FRMD3: variants seen among roughly 807,000 people sequenced by gnomAD.
FRMD3 encodes FERM domain-containing protein 3.
Under a neutral mutation model 70.2 loss-of-function variants are expected in FRMD3, and 33 were observed. That is an observed-to-expected ratio of 0.47 (90% CI 0.36 to 0.63). FRMD3 has a LOEUF of 0.63. Among genes scored for constraint, FRMD3 ranks in the 20% least tolerant of loss-of-function variants. FRMD3 has a pLI of 0.00. For synonymous variants in FRMD3, 279 were observed against 255.9 expected (o/e 1.09, Z -0.86); for missense variants, 632 against 711.4 (o/e 0.89, Z 1.27).
At chr9:83,528,381 G>GT (rs924849788) in intron 1 of FRMD3, among the ~76,000 whole-genome samples, 1 of 152,046 alleles carries the variant, frequency 6.6e-6, no homozygotes, top group Non-Finnish European at 1.5e-5. Flanking sequence ...AACATGCAGT[G>GT]TTTTTTATTT....
In FRMD3 at chr9:83,508,893, C is replaced by T. The variant is rs1367644697; in HGVS notation, c.147+29192G>A. 2.0e-5 allele frequency among the ~76,000 whole-genome samples: 3 copies of T among 152,098 alleles called. No homozygotes were observed. The East Asian group carries it at 5.8e-4, about 29-fold the overall frequency. ...TGGCCAAGTCTAAAATGTGTACTATCTGGTCTGTTACAGAAAAAGCTTGCC... is the reference window on the plus strand; with the variant it reads ...TGGCCAAGTCTAAAATGTGTACTATTTGGTCTGTTACAGAAAAAGCTTGCC... On this transcript the variant is annotated intron_variant, in intron 1 of 13. Transcript: ENST00000304195.
At chr9:83,274,122 A>G (rs1005732694) in intron 13 of FRMD3, among the ~76,000 whole-genome samples, 1 of 152,090 alleles carries the variant, frequency 6.6e-6, no homozygotes, top group Non-Finnish European at 1.5e-5. Flanking sequence ...TGCCTGGCCC[A>G]TTTGTTCTTT....
At chr9:83,549,587 T>G in the FRMD3 span, among the ~76,000 whole-genome samples, 1 of 152,186 alleles carries the variant, frequency 6.6e-6, no homozygotes, top group Non-Finnish European at 1.5e-5. Context: ...GAGTTTCCTT[T>G]TCTTTGCAAC....
At chr9:83,446,393 A>T (rs542064251) in intron 1 of FRMD3, among the ~76,000 whole-genome samples, 77 of 151,762 alleles carry the variant, frequency 5.1e-4, no homozygotes, top group African/African-American at 1.8e-3. Context: ...CACGCATGTA[A>T]TCCCAGCACT....
intron 1 of FRMD3, among the ~76,000 whole-genome samples, chr9:83,461,188 C>T (rs891367285): frequency 9.9e-5 from 15 of 152,120 alleles, no homozygotes; most frequent in African/African-American, 3.6e-4. Context: ...ATCACAGGGT[C>T]CTTAGACGTG....
At chr9:83,368,312 A>T (rs1215984612) in intron 3 of FRMD3, among the ~76,000 whole-genome samples, 1 of 143,594 alleles carries the variant, frequency 7.0e-6, no homozygotes, top group East Asian at 1.9e-4. Flanking sequence ...ACCATATGTT[A>T]ATATATTTTT....
At position 83,376,631 on chromosome 9, in the gene FRMD3, A is replaced by G. The variant is rs1329564459; in HGVS notation, c.253-3676T>C. ...TATTCCTTTTTTTTTTTTTTTTGGC[A>G]GGGCTTTCTATGTTGCCCAGGCTTG... On this transcript the variant is annotated intron_variant, in intron 2 of 13. Transcript: ENST00000304195. Among the ~76,000 whole-genome samples the G allele has an allele frequency of 1.8e-4, 24 of 136,066 alleles. No individual in the cohort carries two copies. In the East Asian group the frequency reaches 5.0e-3, roughly 28 times the overall value. 89.3% of individuals were successfully genotyped at this position (136,066 alleles called of 152,430 possible). A position where few individuals can be genotyped will look rare whatever the true frequency, so the allele number is the denominator to read the frequency against.
chr9:83,568,315 T>C, the FRMD3 span, among the ~76,000 whole-genome samples: 1 of 152,110 alleles, frequency 6.6e-6, no homozygotes, highest in African/African-American at 2.4e-5. Context: ...CAAGTAGAGA[T>C]TTAGGTGGGG....
At chr9:83,403,591 A>G (rs1826015732) in intron 1 of FRMD3, among the ~76,000 whole-genome samples, 2 of 152,184 alleles carry the variant, frequency 1.3e-5, no homozygotes, top group Non-Finnish European at 2.9e-5. Flanking sequence ...CTTCCACTTC[A>G]TTGGTATACA....
chr9:83,392,744 T>C (rs1825701308), intron 1 of FRMD3, among the ~76,000 whole-genome samples: 1 of 152,202 alleles, frequency 6.6e-6, no homozygotes, highest in South Asian at 2.1e-4. Flanking sequence ...AGCATCCTGG[T>C]ATTGGCAGTT....
intron 1 of FRMD3, among the ~76,000 whole-genome samples, chr9:83,415,983 C>T (rs1826429804): frequency 6.6e-6 from 1 of 152,176 alleles, no homozygotes; most frequent in South Asian, 2.1e-4. Context: ...CCACAAACTC[C>T]CTTCAGAACC....
intron 1 of FRMD3, among the ~76,000 whole-genome samples, chr9:83,402,654 A>AAT (rs1330515474): frequency 6.1e-4 from 93 of 152,168 alleles, no homozygotes; most frequent in Non-Finnish European, 5.0e-4. Context: ...ATGCAGCCTT[A>AAT]ATATAACCAT....
intron 13 of FRMD3, among the ~76,000 whole-genome samples, chr9:83,273,063 CT>C (rs1833659824): frequency 6.9e-6 from 1 of 143,982 alleles, no homozygotes; most frequent in African/African-American, 2.7e-5. Flanking sequence ...GGGGGGGCGC[CT>C]CTGCCCGGCC....
chr9:83,252,119 CAG>C (rs2118560199), intron 13 of FRMD3, among the ~76,000 whole-genome samples: 1 of 152,196 alleles, frequency 6.6e-6, no homozygotes, highest in South Asian at 2.1e-4. Flanking sequence ...TAAGGGCAAC[CAG>C]AGAGAAAGGC....
chr9:83,322,648 A>AC (rs956703502), intron 6 of FRMD3, among the ~76,000 whole-genome samples: 24 of 152,164 alleles, frequency 1.6e-4, no homozygotes, highest in African/African-American at 5.8e-4. Flanking sequence ...AGGCAGTTCC[A>AC]CATGTCAGGC....
chr9:83,490,798 T>TCACA (rs60065758), intron 1 of FRMD3, among the ~76,000 whole-genome samples: 11,764 of 110,374 alleles, frequency 0.11, 865 homozygotes, highest in East Asian at 0.27. Context: ...TCTCTCTCTC[T>TCACA]CACACACACA....
In FRMD3 at chr9:83,311,986, A is replaced by AG. The variant is rs1835377019; in HGVS notation, c.685-12_685-11insC. 5 of 1,569,296 alleles carry AG rather than the reference A, an allele frequency of 3.2e-6. No individual in the cohort carries two copies. Among genetic ancestry groups the AG allele is most frequent in the East Asian group, 2.2e-5 (1 of 44,662 alleles). The stretch of plus-strand genomic sequence containing the variant: ...TGTGCCTGTTGAATCCTGAAAAAAA[A>AG]AAAAAAGAAAAAAGAAAAATCTGTT... On this transcript the variant is annotated splice_polypyrimidine_tract_variant and intron_variant, in intron 7 of 13. Transcript: ENST00000304195.
rs371243946 is a variant in FRMD3 at position 83,248,483 on chromosome 9, G to C, written c.1229C>G (p.Ala410Gly). Residue 410 changes from alanine (A) to glycine (G), a missense_variant, in exon 14 of 14, where the codon GCT (alanine) becomes GGT (glycine). By Grantham distance (60) the Ala-to-Gly change is moderately conservative. This residue lies in a region of FRMD3 where 418 missense variants were observed against 442.1 expected (regional missense o/e 0.95). Transcript: ENST00000304195. The stretch of plus-strand genomic sequence containing the variant: ...CACTGGGGAGCTGGAGATCAAGGGA[G>C]CAGAAATGTTCTCCTCTTTAGGCAA... ...VPLPKEENIS[A>G]PLISSSPVKA... 1 of 1,611,882 alleles carries C rather than the reference G, an allele frequency of 6.2e-7. No homozygotes were observed. The highest frequency in any genetic ancestry group is 8.5e-7 in the Non-Finnish European group (1 of 1,179,654).
chr9:83,474,459 G>A (rs1267228663), intron 1 of FRMD3, among the ~76,000 whole-genome samples: 1 of 152,116 alleles, frequency 6.6e-6, no homozygotes, highest in African/African-American at 2.4e-5. Context: ...AAAGGTTCTT[G>A]TGGGATGAGC....
Sources: gnomAD v4.1 joint callset for allele counts (sites outside exome capture counted in the v4.1 genomes callset) on GRCh38, gnomAD v4.1.1 for gene constraint, gnomAD v4.1.1 regional missense constraint, MANE v1.5 for transcripts, NCBI Gene and HGNC (gene_info 2026-07-23, HGNC 2026-07-21) for gene names.